Variants in UXS1 observed in about 807,000 individuals in gnomAD.
The protein encoded by UXS1 is UDP-glucuronate decarboxylase 1, also known as UDP-glucuronic acid decarboxylase 1.
In UXS1, 33 loss-of-function variants were observed where a neutral mutation model predicts 62.6. That is an observed-to-expected ratio of 0.53 (90% confidence interval 0.40 to 0.70). The LOEUF is 0.70. Among genes scored for constraint, UXS1 ranks in the 30% least tolerant of loss-of-function variants. The probability of loss-of-function intolerance (pLI) is 0.00; values close to 1 mark genes in which losing one functional copy is unlikely to be tolerated. For synonymous variants in UXS1, 213 were observed against 206.8 expected, an observed-to-expected ratio of 1.03 and a Z score of -0.26; for missense variants, 434 against 556.3, an observed-to-expected ratio of 0.78 and a Z score of 2.21.
chr2:106,157,066 A>T (rs1440681147), intron 5 of UXS1, among the ~76,000 whole-genome samples: 3 of 152,186 alleles, frequency 2.0e-5, no homozygotes, highest in Non-Finnish European at 4.4e-5. Flanking sequence ...CAAAAAACAG[A>T]TTAGTGGTTG....
intron 6 of UXS1, among the ~76,000 whole-genome samples, chr2:106,142,301 A>G (rs1030489180): frequency 2.6e-5 from 4 of 152,194 alleles, no homozygotes; most frequent in African/African-American, 9.7e-5. Flanking sequence ...TTGAAAAGAG[A>G]AAAATATTTC....
At chr2:106,095,636 G>A (rs1037631460) in intron 14 of UXS1, among the ~76,000 whole-genome samples, 16 of 152,190 alleles carry the variant, frequency 1.1e-4, no homozygotes, top group Non-Finnish European at 1.5e-4. Flanking sequence ...GACAGGTGCC[G>A]GGCTCCTGCT....
At chr2:106,112,594 C>A (rs768780387) in intron 10 of UXS1, 52 bp downstream of exon 10, 6 of 1,601,944 alleles carry the variant, frequency 3.7e-6, no homozygotes, top group Non-Finnish European at 5.1e-6. Flanking sequence ...CCTTTGTGAG[C>A]TGACTTCGAT....
intron 6 of UXS1, among the ~76,000 whole-genome samples, chr2:106,130,328 G>A (rs978958778): frequency 3.3e-5 from 5 of 152,094 alleles, no homozygotes; most frequent in African/African-American, 1.2e-4. Flanking sequence ...TGCCCCTCCT[G>A]GAAAGGCATT....
intron 1 of UXS1, 169 bp from the exon 2 acceptor site, chr2:106,166,252 A>G (rs1379416400): frequency 1.5e-6 from 1 of 670,192 alleles, no homozygotes; most frequent in African/African-American, 1.8e-5. Flanking sequence ...TCTTACTACA[A>G]AATAAGTAAA....
intron 5 of UXS1, among the ~76,000 whole-genome samples, chr2:106,150,182 C>T (rs1308866015): frequency 1.3e-5 from 2 of 151,920 alleles, no homozygotes; most frequent in African/African-American, 2.4e-5. Context: ...TAGAGTAAAA[C>T]AAGGGAAGAG....
chr2:106,155,566 T>C (rs1255306601), intron 5 of UXS1, among the ~76,000 whole-genome samples: 1 of 152,236 alleles, frequency 6.6e-6, no homozygotes, highest in East Asian at 1.9e-4. Flanking sequence ...CTACCTACAG[T>C]ATTCAGTATA....
At chr2:106,110,181 T>C (rs1232251257) in intron 10 of UXS1, among the ~76,000 whole-genome samples, 1 of 152,184 alleles carries the variant, frequency 6.6e-6, no homozygotes, top group Non-Finnish European at 1.5e-5. Context: ...CCTCGGGACT[T>C]CTGCCTCCTG....
At chr2:106,140,341 T>G (rs550373257) in intron 6 of UXS1, among the ~76,000 whole-genome samples, 19 of 152,298 alleles carry the variant, frequency 1.2e-4, no homozygotes, top group African/African-American at 4.3e-4. Flanking sequence ...GGGCGATCTC[T>G]AAGAGCCACC....
intron 6 of UXS1, among the ~76,000 whole-genome samples, chr2:106,144,383 G>A (rs1011316974): frequency 5.9e-5 from 9 of 152,162 alleles, no homozygotes; most frequent in Admixed American, 2.6e-4. Context: ...AAAGAGAACA[G>A]AAGAAACAGC....
chr2:106,194,100 G>A lies in UXS1; in HGVS notation c.94+48C>T, dbSNP rs1205066811. ...CCACCGCCGCCCGGCCCACCGCGGC[G>A]CCGGGGAATGAATGGGGCTCCCCAG... is the stretch of plus-strand genomic sequence containing the variant. On this transcript the variant is annotated intron_variant, in intron 1 of 14. Coordinates refer to ENST00000283148, the MANE Select transcript of UXS1 (RefSeq NM_001253875.2). The A allele has an allele frequency of 5.7e-6, 8 of 1,407,546 alleles. No homozygotes were observed. The South Asian group carries it at 9.6e-5, about 17-fold the overall frequency. The allele number at this position is 1,407,546 out of a possible 1,614,324, so 87.2% of individuals were successfully genotyped here.
chr2:106,121,003 A>G (rs1448887250), intron 9 of UXS1, among the ~76,000 whole-genome samples: 1 of 152,204 alleles, frequency 6.6e-6, no homozygotes, highest in Non-Finnish European at 1.5e-5. Flanking sequence ...TAAGCTCCCG[A>G]GACCTATGTG....
At chr2:106,124,436 T>G (rs1679763219) in intron 8 of UXS1, among the ~76,000 whole-genome samples, 1 of 152,204 alleles carries the variant, frequency 6.6e-6, no homozygotes, top group Admixed American at 6.5e-5. Flanking sequence ...AGTAAAGACC[T>G]AGAGTCAAAA....
At chr2:106,116,326 C>G (rs989927613) in intron 9 of UXS1, among the ~76,000 whole-genome samples, 6 of 152,212 alleles carry the variant, frequency 3.9e-5, no homozygotes, top group Non-Finnish European at 7.3e-5. Flanking sequence ...TCAACAGAGA[C>G]AACACCCAAC....
At chr2:106,104,357 G>C (rs1043863263) in intron 11 of UXS1, among the ~76,000 whole-genome samples, 5 of 152,166 alleles carry the variant, frequency 3.3e-5, no homozygotes, top group African/African-American at 1.2e-4. Context: ...TAGTTTCAGC[G>C]TGAAATTCAA....
chr2:106,104,831 C>T lies in UXS1; in HGVS notation c.886G>A (p.Gly296Arg), dbSNP rs1677918716. The change falls in exon 11 of 15, where the codon GGA (glycine) becomes AGA (arginine). Residue 296 changes from glycine (G) to arginine (R), a missense_variant. Physicochemically the swap from Gly to Arg is moderately radical, Grantham distance 125 (BLOSUM62 -2). Coordinates refer to ENST00000283148, the MANE Select transcript of UXS1 (RefSeq NM_001253875.2). ...ALQGEPLTVY[G>R]SGSQTRAFQY... Reference sequence around the variant, plus strand: ...AACGCCCTTGTCTGAGACCCGGATCCGTATACCTGGAAGGAAACCAACAGT... The same window carrying T: ...AACGCCCTTGTCTGAGACCCGGATCTGTATACCTGGAAGGAAACCAACAGT... The T allele has an allele frequency of 3.1e-6, 5 of 1,613,948 alleles. No individual in the cohort carries two copies. Among genetic ancestry groups the T allele is most frequent in the South Asian group, 1.1e-5 (1 of 91,072 alleles).
intron 14 of UXS1, among the ~76,000 whole-genome samples, chr2:106,094,778 A>T (rs1676940395): frequency 1.3e-5 from 2 of 152,236 alleles, no homozygotes; most frequent in Non-Finnish European, 2.9e-5. Flanking sequence ...CTGCTGATTA[A>T]CAGCAGAAAG....
At chr2:106,176,961 A>C (rs1278535545) in intron 1 of UXS1, among the ~76,000 whole-genome samples, 1 of 152,188 alleles carries the variant, frequency 6.6e-6, no homozygotes, top group Non-Finnish European at 1.5e-5. Context: ...ACACCTTCCC[A>C]TAGGCTTACC....
intron 5 of UXS1, among the ~76,000 whole-genome samples, chr2:106,146,412 C>A (rs1413824460): frequency 1.3e-5 from 2 of 152,188 alleles, no homozygotes; most frequent in African/African-American, 4.8e-5. Context: ...ACATGTAATT[C>A]TCCATGAAAC....
Sources: allele counts gnomAD v4.1 joint callset (sites outside exome capture counted in the v4.1 genomes callset), GRCh38; gene constraint gnomAD v4.1.1; transcripts MANE v1.5; gene names NCBI Gene and HGNC (gene_info 2026-07-23, HGNC 2026-07-21).